The following KRT26 variants were observed in gnomAD, a reference collection of about 807,000 sequenced individuals.
KRT26 encodes the protein keratin 26.
KRT26 carries 45 observed loss-of-function variants against 46.1 expected under a neutral mutation model. The ratio of observed to expected loss-of-function variants is 0.98; its 90% CI spans 0.77 to 1.25. KRT26 has a LOEUF of 1.25. Among genes scored for constraint, KRT26 ranks in the 50% most tolerant of loss-of-function variants. The probability of loss-of-function intolerance (pLI) is 0.00; values close to 1 mark genes in which losing one functional copy is unlikely to be tolerated. For synonymous variants in KRT26, 191 were observed against 209.9 expected (o/e 0.91, Z 0.78); for missense variants, 582 against 560.1 (o/e 1.04, Z -0.39).
rs758341043 is a variant in KRT26 at position 40,771,672 on chromosome 17, C to T, written c.441+1G>A. ...AAAGTATGCAAATCCCTATTTCTTA[C>T]CTGCCTTTTAAGATCTTCTATGACT... On this transcript the variant is annotated splice_donor_variant, in intron 1 of 7. Coordinates refer to ENST00000335552, the Ensembl canonical transcript of KRT26. LOFTEE classifies it high-confidence loss of function. 7 of 1,602,912 alleles carry T rather than the reference C, an allele frequency of 4.4e-6. No individual in the cohort carries two copies. In the East Asian group the frequency reaches 6.7e-5, roughly 15 times the overall value.
chr17:40,768,751 C>A (rs1363555253), intron 6 of KRT26, 128 bp downstream of exon 6: 8 of 553,758 alleles, frequency 1.4e-5, no homozygotes, highest in Non-Finnish European at 2.2e-5. Context: ...CAATAATATA[C>A]ATTCCTGAGG....
chr17:40,770,615 G>A (rs974162917), intron 2 of KRT26, among the ~76,000 whole-genome samples: 2 of 152,142 alleles, frequency 1.3e-5, no homozygotes, highest in Non-Finnish European at 2.9e-5. Flanking sequence ...GCTGATTTTT[G>A]TCATCCAATG....
exon 6 of KRT26, chr17:40,768,906 T>C (rs1215155553): frequency 6.3e-7 from 1 of 1,577,876 alleles, no homozygotes; most frequent in Admixed American, 1.7e-5. Flanking sequence ...TAAGTTGCAA[T>C]AAATGTCAAT....
At chr17:40,770,363 T>C (rs773367250) in exon 3 of KRT26, 2 of 1,613,440 alleles carry the variant, frequency 1.2e-6, no homozygotes, top group Non-Finnish European at 1.7e-6. Flanking sequence ...CGAAGACCAC[T>C]GGTGTCGGCC....
Position 40,769,625 on chromosome 17 carries a change from T to A in KRT26, c.969+129A>T, listed in dbSNP as rs2038201832. Reference sequence around the variant, plus strand: ...GAGTTTAGGGACAGAATTCTTGATATTTAATATATTTTATACTTTTAGTCA... The same window carrying A: ...GAGTTTAGGGACAGAATTCTTGATAATTAATATATTTTATACTTTTAGTCA... On this transcript the variant is annotated intron_variant, in intron 5 of 7. Transcript: ENST00000335552. 5.2e-6 allele frequency: 5 copies of A among 965,014 alleles called. No individual in the cohort carries two copies. The South Asian group carries it at 7.3e-5, about 14-fold the overall frequency. 59.8% of individuals were successfully genotyped at this position (965,014 alleles called of 1,614,324 possible).
intron 6 of KRT26, among the ~76,000 whole-genome samples, chr17:40,768,622 G>A (rs1040697622): frequency 7.9e-5 from 12 of 152,162 alleles, no homozygotes; most frequent in African/African-American, 2.9e-4. Context: ...TTGAATTGGA[G>A]TACTGGAATT....
In KRT26 at chr17:40,770,312, C is replaced by A; in HGVS notation, c.622G>T (p.Glu208Ter). 1 of 1,614,126 alleles carries A rather than the reference C, an allele frequency of 6.2e-7. No homozygotes were observed. The highest frequency in any genetic ancestry group is 8.5e-7 in the Non-Finnish European group (1 of 1,180,016). The change falls in exon 3 of 8, where the codon GAG becomes TAG. Residue 208 changes from glutamate (E) to a stop codon, truncating the protein, a stop_gained. Coordinates refer to ENST00000335552, the Ensembl canonical transcript of KRT26. LOFTEE classifies it high-confidence loss of function. ...TCACTGAGGGTCTCACACTGTATCTCCAGGTCGGTTGTACAAAGGGTCAGT... is the reference window on the plus strand; with the variant it reads ...TCACTGAGGGTCTCACACTGTATCTACAGGTCGGTTGTACAAAGGGTCAGT...
chr17:40,768,431 C>T (rs1235022314), intron 6 of KRT26, among the ~76,000 whole-genome samples: 2 of 152,212 alleles, frequency 1.3e-5, no homozygotes, highest in East Asian at 3.8e-4. Flanking sequence ...GGCTGCAATT[C>T]CAGGGCTGTT....
exon 6 of KRT26, chr17:40,769,065 G>A: frequency 6.2e-7 from 1 of 1,613,812 alleles, no homozygotes; most frequent in Non-Finnish European, 8.5e-7. Flanking sequence ...ATTTCCTTCA[G>A]TCTCAGCCAA....
rs770803215 is a variant in KRT26, at chr17:40,772,081, C to G, written c.33G>C (p.Arg11Ser). The change falls in exon 1 of 8, where the codon AGG (arginine) becomes AGC (serine). Residue 11 changes from arginine to serine, a missense_variant. Transcript: ENST00000335552. Reference sequence around the variant, plus strand: ...TACCAGACCCAGTTCGCGAGCAGATCCTCCTGGATCCACCAGAAAGTCGAA... The same window carrying G: ...TACCAGACCCAGTTCGCGAGCAGATGCTCCTGGATCCACCAGAAAGTCGAA... The G allele has an allele frequency of 2.7e-5, 44 of 1,613,980 alleles. No homozygotes were observed. The Admixed American group carries it at 7.3e-4, about 27-fold the overall frequency.
At chr17:40,767,306 T>G (rs961103232) in intron 7 of KRT26, among the ~76,000 whole-genome samples, 13 of 152,214 alleles carry the variant, frequency 8.5e-5, no homozygotes, top group Non-Finnish European at 1.9e-4. Flanking sequence ...AAGTAGCTCT[T>G]TTATCAAAGT....
chr17:40,768,748 A>C, intron 6 of KRT26, 131 bp downstream of exon 6: 1 of 551,490 alleles, frequency 1.8e-6, no homozygotes, highest in Non-Finnish European at 3.1e-6. Context: ...CTGCAATAAT[A>C]TACATTCCTG....
chr17:40,768,883 C>A lies in KRT26; in HGVS notation c.1183G>T (p.Glu395Ter). 17 of 1,242,568 alleles carry A rather than the reference C, an allele frequency of 1.4e-5. No homozygotes were observed. Among genetic ancestry groups the A allele is most frequent in the Non-Finnish European group, 1.8e-5 (16 of 908,654 alleles). 77.0% of individuals were successfully genotyped at this position (1,242,568 alleles called of 1,614,324 possible). A position where few individuals can be genotyped will look rare whatever the true frequency, so the allele number is the denominator to read the frequency against. ...TTTTTGCAAGTTAATCTTTACCTTTCTTCTCCATCTAGTAAGTTGCAATAA... is the reference window on the plus strand; with the variant it reads ...TTTTTGCAAGTTAATCTTTACCTTTATTCTCCATCTAGTAAGTTGCAATAA... Residue 395 changes from glutamate (E) to a stop codon, truncating the protein, a stop_gained, in exon 6 of 8, where the codon GAA (glutamate) becomes TAA (stop). Coordinates refer to ENST00000335552, the Ensembl canonical transcript of KRT26. LOFTEE classifies it high-confidence loss of function.
At chr17:40,769,448 T>C (rs1213876378) in intron 5 of KRT26, among the ~76,000 whole-genome samples, 1 of 152,168 alleles carries the variant, frequency 6.6e-6, no homozygotes, top group Non-Finnish European at 1.5e-5. Context: ...TGAGCCACTG[T>C]GCTTGGCCGG....
chr17:40,769,431 A>G (rs2038200011), intron 5 of KRT26, among the ~76,000 whole-genome samples: 1 of 152,202 alleles, frequency 6.6e-6, no homozygotes, highest in Non-Finnish European at 1.5e-5. Context: ...TGCTGGGATT[A>G]CAGGTGTGAG....
exon 4 of KRT26, chr17:40,769,994 G>T (rs751722319): frequency 6.2e-7 from 1 of 1,614,162 alleles, no homozygotes; most frequent in Non-Finnish European, 8.5e-7. Flanking sequence ...CATCTTTGCG[G>T]TTCTGCTCAG....
exon 1 of KRT26, chr17:40,772,082 C>T: frequency 6.2e-7 from 1 of 1,614,122 alleles, no homozygotes; most frequent in Non-Finnish European, 8.5e-7. Flanking sequence ...CGAGCAGATC[C>T]TCCTGGATCC....
exon 1 of KRT26, chr17:40,771,892 A>C: frequency 1.2e-6 from 2 of 1,614,186 alleles, no homozygotes; most frequent in Middle Eastern, 1.6e-4. Context: ...GGCTGTGCTC[A>C]TTGCCAAGAA....
At position 40,769,039 on chromosome 17, in the gene KRT26, G is replaced by A. The variant is rs780050927; in HGVS notation, c.1027C>T (p.Gln343Ter). 33 of 1,614,016 alleles carry A rather than the reference G, an allele frequency of 2.0e-5. 1 individual carries two copies. The South Asian group carries it at 3.5e-4, about 17-fold the overall frequency. ...ACCCCTATCTGATCCTGAATTTGCT[G>A]GAGTTGATTGCAGTAATTTCCTTCA... is the stretch of plus-strand genomic sequence containing the variant. The change falls in exon 6 of 8, where the codon CAG becomes TAG. Residue 343 changes from glutamine (Q) to a stop codon, truncating the protein, a stop_gained. Coordinates refer to ENST00000335552, the Ensembl canonical transcript of KRT26. LOFTEE classifies it high-confidence loss of function.
Sources: allele counts gnomAD v4.1 joint callset (sites outside exome capture counted in the v4.1 genomes callset), GRCh38; gene constraint gnomAD v4.1.1; transcripts MANE v1.5; gene names NCBI Gene and HGNC (gene_info 2026-07-23, HGNC 2026-07-21).